The following ATP8A1 variants were observed in gnomAD, a reference collection of about 807,000 sequenced individuals.
ATP8A1 encodes phospholipid-transporting ATPase IA.
ATP8A1 carries 90 observed loss-of-function variants against 177.7 expected under a neutral mutation model. That is an observed-to-expected ratio of 0.51 (90% confidence interval 0.43 to 0.60). ATP8A1 has a LOEUF of 0.60. ATP8A1 is among the 20% of genes least tolerant of loss of function. The probability of loss-of-function intolerance (pLI) is 0.00; values close to 1 mark genes in which losing one functional copy is unlikely to be tolerated. For missense variants in ATP8A1, 1,072 were observed against 1,392.8 expected, an observed-to-expected ratio of 0.77 and a Z score of 3.67; for synonymous variants, 493 against 485.9, an observed-to-expected ratio of 1.01 and a Z score of -0.19.
chr4:42,457,885 AAAGGT>A (rs1718665490), intron 27 of ATP8A1, among the ~76,000 whole-genome samples: 1 of 152,216 alleles, frequency 6.6e-6, no homozygotes, highest in African/African-American at 2.4e-5. Context: ...TTTTAAGTGG[AAAGGT>A]ATCAACACAT....
At chr4:42,558,061 CAAAAAA>C (rs929310189) in intron 15 of ATP8A1, among the ~76,000 whole-genome samples, 64 of 151,402 alleles carry the variant, frequency 4.2e-4, no homozygotes, top group Non-Finnish European at 6.6e-4. Context: ...AAAACAAAAA[CAAAAAA>C]ACCAGAAACA....
At chr4:42,585,999 T>C (rs1157402862) in intron 9 of ATP8A1, among the ~76,000 whole-genome samples, 2 of 152,164 alleles carry the variant, frequency 1.3e-5, no homozygotes, top group Admixed American at 1.3e-4. Context: ...GCAGATTGAA[T>C]AGTTAAGCCT....
intron 25 of ATP8A1, among the ~76,000 whole-genome samples, chr4:42,468,438 C>CACACAG (rs1351522601): frequency 2.0e-5 from 3 of 151,586 alleles, no homozygotes; most frequent in Non-Finnish European, 4.4e-5. Context: ...TATACACACA[C>CACACAG]ACACACACAC....
intron 24 of ATP8A1, among the ~76,000 whole-genome samples, chr4:42,488,719 C>T (rs142669763): frequency 6.6e-6 from 1 of 152,156 alleles, no homozygotes; most frequent in Non-Finnish European, 1.5e-5. Flanking sequence ...TCTTTTGTTT[C>T]CCTCTTCCTG....
chr4:42,518,742 A>G (rs1725820768), intron 22 of ATP8A1, among the ~76,000 whole-genome samples: 1 of 152,236 alleles, frequency 6.6e-6, no homozygotes, highest in East Asian at 1.9e-4. Context: ...CATAAAAAAT[A>G]GATTGCATAA....
chr4:42,555,611 G>A (rs1301703044), intron 16 of ATP8A1, among the ~76,000 whole-genome samples: 2 of 152,074 alleles, frequency 1.3e-5, no homozygotes, highest in Non-Finnish European at 2.9e-5. Flanking sequence ...ATCACCTGAT[G>A]TCAGGAGTTT....
At chr4:42,508,564 G>A (rs2153194777) in intron 22 of ATP8A1, among the ~76,000 whole-genome samples, 1 of 152,292 alleles carries the variant, frequency 6.6e-6, no homozygotes, top group East Asian at 1.9e-4. Context: ...GTTGTTCTTG[G>A]TCCTAAATAC....
chr4:42,507,794 A>ACAAAAC (rs1468388809), intron 22 of ATP8A1, among the ~76,000 whole-genome samples: 1 of 137,988 alleles, frequency 7.2e-6, no homozygotes, highest in African/African-American at 2.6e-5. Context: ...AAAAAAAAAA[A>ACAAAAC]AAAAAAAAAA....
chr4:42,528,331 A>C (rs149019097), intron 20 of ATP8A1, among the ~76,000 whole-genome samples: 2 of 152,266 alleles, frequency 1.3e-5, no homozygotes, highest in East Asian at 3.9e-4. Context: ...ATAGTAAATC[A>C]AAAACAATAT....
intron 35 of ATP8A1, among the ~76,000 whole-genome samples, chr4:42,420,559 GGGTCATTACACT>G (rs1713787018): frequency 6.6e-6 from 1 of 152,050 alleles, no homozygotes; most frequent in Admixed American, 6.5e-5. Context: ...TAGGACCTGG[GGGTCATTACACT>G]GGCCTGATTT....
At chr4:42,490,835 T>C (rs1722673161) in intron 24 of ATP8A1, among the ~76,000 whole-genome samples, 1 of 152,194 alleles carries the variant, frequency 6.6e-6, no homozygotes, top group African/African-American at 2.4e-5. Context: ...TTTGGATCCC[T>C]GAAATACTTC....
In ATP8A1 at chr4:42,485,670, T is replaced by C; in HGVS notation, c.2152-2A>G. On this transcript the variant is annotated splice_acceptor_variant, in intron 24 of 36. Coordinates refer to ENST00000381668, the MANE Select transcript of ATP8A1 (RefSeq NM_006095.2). LOFTEE classifies it high-confidence loss of function. ...ACGACTGAGAGTTTCCCTTGTTCCCTGGAATATTAAACAAGCAAAAATGCC... is the reference window on the plus strand; with the variant it reads ...ACGACTGAGAGTTTCCCTTGTTCCCCGGAATATTAAACAAGCAAAAATGCC... 3.1e-6 allele frequency: 5 copies of C among 1,606,888 alleles called. No homozygotes were observed. Among genetic ancestry groups the C allele is most frequent in the Non-Finnish European group, 4.2e-6 (5 of 1,176,938 alleles).
intron 3 of ATP8A1, chr4:42,625,143 T>C (rs1737923963): frequency 6.5e-6 from 1 of 152,698 alleles, no homozygotes; most frequent in Non-Finnish European, 1.5e-5. Flanking sequence ...TTTTTTTCCT[T>C]GTGTTTTGTG....
intron 1 of ATP8A1, among the ~76,000 whole-genome samples, chr4:42,654,258 T>G (rs187023364): frequency 6.6e-6 from 1 of 152,178 alleles, no homozygotes; most frequent in Non-Finnish European, 1.5e-5. Flanking sequence ...CCCCACAGCA[T>G]GCACAATATT....
intron 15 of ATP8A1, among the ~76,000 whole-genome samples, chr4:42,561,171 T>C (rs148155381): frequency 2.6e-5 from 4 of 152,344 alleles, no homozygotes; most frequent in Non-Finnish European, 5.9e-5. Flanking sequence ...ACAAGTGCAC[T>C]TGCTTTTTAT....
chr4:42,534,931 TAC>T (rs1225204635), intron 20 of ATP8A1, among the ~76,000 whole-genome samples: 1 of 152,134 alleles, frequency 6.6e-6, no homozygotes, highest in Admixed American at 6.5e-5. Context: ...GAAGGAAAGA[TAC>T]AGTCTTTTTC....
intron 30 of ATP8A1, among the ~76,000 whole-genome samples, chr4:42,447,807 CT>C (rs974938016): frequency 6.6e-6 from 1 of 152,074 alleles, no homozygotes; most frequent in African/African-American, 2.4e-5. Context: ...TAATCAATCC[CT>C]ATGGAACTCT....
intron 25 of ATP8A1, among the ~76,000 whole-genome samples, chr4:42,467,497 G>A (rs1423943273): frequency 6.6e-6 from 1 of 152,092 alleles, no homozygotes; most frequent in African/African-American, 2.4e-5. Flanking sequence ...ATCGAGACCA[G>A]CCTGGGCAAC....
intron 24 of ATP8A1, among the ~76,000 whole-genome samples, chr4:42,501,498 T>C (rs1020044033): frequency 1.3e-5 from 2 of 152,252 alleles, no homozygotes; most frequent in African/African-American, 4.8e-5. Flanking sequence ...AAATTGTCAC[T>C]TGACAAAACA....
Sources: gnomAD v4.1 joint callset for allele counts (sites outside exome capture counted in the v4.1 genomes callset) on GRCh38, gnomAD v4.1.1 for gene constraint, MANE v1.5 for transcripts, NCBI Gene and HGNC (gene_info 2026-07-23, HGNC 2026-07-21) for gene names.